ASTN2: variants seen among roughly 807,000 people sequenced by gnomAD.
ASTN2 encodes astrotactin-2.
ASTN2 carries 54 observed loss-of-function variants against 139.8 expected under a neutral mutation model. The observed-to-expected ratio is 0.39, with a 90% CI of 0.31 to 0.48. ASTN2 has a LOEUF of 0.48. Among genes scored for constraint, ASTN2 ranks in the 20% least tolerant of loss-of-function variants. The pLI is 0.95. For missense variants in ASTN2, 1,565 were observed against 1,725.1 expected, an observed-to-expected ratio of 0.91 and a Z score of 1.64; for synonymous variants, 756 against 719.5, an observed-to-expected ratio of 1.05 and a Z score of -0.81.
At chr9:116,827,514 A>G (rs1831673153) in intron 11 of ASTN2, among the ~76,000 whole-genome samples, 1 of 152,026 alleles carries the variant, frequency 6.6e-6, no homozygotes, top group Non-Finnish European at 1.5e-5. Flanking sequence ...AAGAGAGAAG[A>G]CTCAAATAAA....
rs376340548 is a variant in ASTN2, at chr9:116,733,466, C to G, written c.2454G>C (p.Pro818=). Residue 818 remains proline, a synonymous_variant, in exon 14 of 23, where the codon CCG becomes CCC. Transcript: ENST00000313400. ...PQLADGLLVI[P]LPVEEQCRGV... ...CCCGGCACTGCTCCTCCACCGGCAG[C>G]GGGATCACCAACAGCCCATCGGCCA... The G allele has an allele frequency of 6.2e-7, 1 of 1,614,142 alleles. No individual in the cohort carries two copies. Among genetic ancestry groups the G allele is most frequent in the East Asian group, 2.2e-5 (1 of 44,870 alleles).
At chr9:116,438,381 G>T (rs1847724247) in intron 22 of ASTN2, among the ~76,000 whole-genome samples, 1 of 152,022 alleles carries the variant, frequency 6.6e-6, no homozygotes, top group Admixed American at 6.6e-5. Flanking sequence ...TAATTTAAAG[G>T]ACATTCAGGA....
chr9:117,348,627 G>T (rs1473915935), intron 1 of ASTN2, among the ~76,000 whole-genome samples: 1 of 152,096 alleles, frequency 6.6e-6, no homozygotes, highest in Non-Finnish European at 1.5e-5. Context: ...TTGGGTGTGG[G>T]TAGTCATTTG....
intron 17 of ASTN2, among the ~76,000 whole-genome samples, chr9:116,639,362 T>C (rs1857220717): frequency 6.6e-6 from 1 of 152,242 alleles, no homozygotes; most frequent in Non-Finnish European, 1.5e-5. Flanking sequence ...CTGCACAGAC[T>C]GACCATCTGT....
At chr9:117,186,318 G>A (rs769413939) in intron 3 of ASTN2, among the ~76,000 whole-genome samples, 15 of 152,116 alleles carry the variant, frequency 9.9e-5, no homozygotes, top group Non-Finnish European at 1.9e-4. Context: ...AGGCTGAGGC[G>A]GGCAGATCAC....
intron 3 of ASTN2, among the ~76,000 whole-genome samples, chr9:117,207,855 C>T (rs1345546476): frequency 6.6e-6 from 1 of 152,204 alleles, no homozygotes; most frequent in African/African-American, 2.4e-5. Context: ...ACCACAAACT[C>T]TCTCAGCCTA....
At position 116,698,540 on chromosome 9, in the gene ASTN2, T is replaced by TGCCAGCTTGCCTCGGGAGCTCACC. The variant is rs1482204623; in HGVS notation, c.2806+27207_2806+27230dup. ...CTGATGAGGAGGAGCCAGAGCTCAC[T>TGCCAGCTTGCCTCGGGAGCTCACC]GCCAGCTTGCCTCGGGAGCTCACCC... On this transcript the variant is annotated intron_variant, in intron 16 of 22. Transcript: ENST00000313400. This position sits in a 1 kb window ranked among gnomAD's most constrained non-coding sequence, Gnocchi z 4.4. 1.2e-6 allele frequency: 2 copies of TGCCAGCTTGCCTCGGGAGCTCACC among 1,613,926 alleles called. No individual in the cohort carries two copies. The highest frequency in any genetic ancestry group is 1.7e-6 in the Non-Finnish European group (2 of 1,180,014).
chr9:116,597,352 G>A (rs924271348), intron 19 of ASTN2, among the ~76,000 whole-genome samples: 1 of 127,018 alleles, frequency 7.9e-6, no homozygotes, highest in African/African-American at 2.9e-5. Flanking sequence ...CTTGTCGCCA[G>A]GCTGGAGTGC....
chr9:116,998,836 G>T (rs1837098896), intron 7 of ASTN2, among the ~76,000 whole-genome samples: 1 of 152,202 alleles, frequency 6.6e-6, no homozygotes, highest in Middle Eastern at 3.4e-3. Context: ...AAGCCCTAAA[G>T]ATACCACTTC....
At chr9:117,211,677 ATAAC>A (rs1327578994) in intron 3 of ASTN2, among the ~76,000 whole-genome samples, 1 of 152,210 alleles carries the variant, frequency 6.6e-6, no homozygotes, top group Non-Finnish European at 1.5e-5. Context: ...GAACAGACTA[ATAAC>A]TAACTGATAA....
intron 17 of ASTN2, 132 bp from the exon 18 acceptor site, chr9:116,620,575 T>G: frequency 8.9e-7 from 1 of 1,118,450 alleles, no homozygotes; most frequent in Non-Finnish European, 1.3e-6. Flanking sequence ...ACACCATCTA[T>G]TCCCTAAGTT....
At chr9:116,768,740 G>C (rs1373477378) in intron 13 of ASTN2, among the ~76,000 whole-genome samples, 5 of 152,176 alleles carry the variant, frequency 3.3e-5, no homozygotes, top group Non-Finnish European at 7.3e-5. Flanking sequence ...CTGTCTGTGA[G>C]CTAGAAAGTG....
chr9:116,707,729 G>A (rs1828031105), intron 16 of ASTN2, among the ~76,000 whole-genome samples: 1 of 152,106 alleles, frequency 6.6e-6, no homozygotes, highest in South Asian at 2.1e-4. Flanking sequence ...CCTAGGTTCC[G>A]AATTAACTTT....
intron 10 of ASTN2, among the ~76,000 whole-genome samples, chr9:116,943,030 A>G (rs954733069): frequency 2.0e-5 from 3 of 152,208 alleles, no homozygotes; most frequent in African/African-American, 7.2e-5. Context: ...ATTAGAAGTT[A>G]TTACGTGTTT....
intron 1 of ASTN2, among the ~76,000 whole-genome samples, chr9:117,321,613 T>C (rs112150041): frequency 3.3e-5 from 5 of 152,276 alleles, no homozygotes; most frequent in Admixed American, 2.0e-4. Flanking sequence ...GGGGTCACCA[T>C]GGTGACAAAA....
chr9:117,389,157 C>CA (rs1437961571), intron 1 of ASTN2, among the ~76,000 whole-genome samples: 1 of 152,170 alleles, frequency 6.6e-6, no homozygotes, highest in East Asian at 1.9e-4. Context: ...TGCTCACAAT[C>CA]CAAGCAGGTT....
At chr9:117,366,453 G>T (rs578036264) in intron 1 of ASTN2, among the ~76,000 whole-genome samples, 1 of 152,032 alleles carries the variant, frequency 6.6e-6, no homozygotes, top group Non-Finnish European at 1.5e-5. Context: ...AAAGGTTAAT[G>T]GGACTTTCTC....
chr9:116,499,167 GTT>G (rs1849770990), intron 19 of ASTN2, among the ~76,000 whole-genome samples: 1 of 152,110 alleles, frequency 6.6e-6, no homozygotes, highest in African/African-American at 2.4e-5. Context: ...TAGTTACTGT[GTT>G]TGTCACTTTA....
chr9:116,541,060 G>A (rs1851858476), intron 19 of ASTN2, among the ~76,000 whole-genome samples: 1 of 151,770 alleles, frequency 6.6e-6, no homozygotes, highest in Non-Finnish European at 1.5e-5. Flanking sequence ...ATAAGGAATG[G>A]ACATTGAGGA....
Sources: allele counts gnomAD v4.1 joint callset (sites outside exome capture counted in the v4.1 genomes callset), GRCh38; gene constraint gnomAD v4.1.1; non-coding constraint Gnocchi (gnomAD v3.1); transcripts MANE v1.5; gene names NCBI Gene and HGNC (gene_info 2026-07-23, HGNC 2026-07-21).